MARCHF1: variants seen among roughly 807,000 people sequenced by gnomAD.
MARCHF1 encodes E3 ubiquitin-protein ligase MARCHF1.
Under a neutral mutation model 54.2 loss-of-function variants are expected in MARCHF1, and 40 were observed. That is an observed-to-expected ratio of 0.74 (90% CI 0.57 to 0.96). The LOEUF (loss-of-function observed/expected upper bound fraction) is 0.96, where lower values mean the gene tolerates loss of function less well. Among genes scored for constraint, MARCHF1 ranks in the 40% least tolerant of loss-of-function variants. MARCHF1 has a pLI of 0.00. For missense variants in MARCHF1, 586 were observed against 656.5 expected (o/e 0.89, Z 1.17); for synonymous variants, 236 against 236.3 (o/e 1.00, Z 0.01).
chr4:164,079,517 A>T (rs1755051480), intron 2 of MARCHF1, among the ~76,000 whole-genome samples: 1 of 152,118 alleles, frequency 6.6e-6, no homozygotes, highest in Non-Finnish European at 1.5e-5. Context: ...ATCTCTTCTT[A>T]TTTAATAGAG....
intron 5 of MARCHF1, among the ~76,000 whole-genome samples, chr4:163,635,950 C>T (rs900427328): frequency 3.9e-5 from 6 of 152,098 alleles, no homozygotes; most frequent in African/African-American, 1.4e-4. Context: ...ATATGCAAAT[C>T]GATAAATGTA....
At chr4:164,301,209 C>T (rs552450841) in intron 1 of MARCHF1, among the ~76,000 whole-genome samples, 10 of 152,102 alleles carry the variant, frequency 6.6e-5, no homozygotes, top group African/African-American at 2.2e-4. Context: ...GAAGAAAATG[C>T]ATTAGAGATT....
At chr4:163,982,922 G>A (rs574153778) in intron 3 of MARCHF1, among the ~76,000 whole-genome samples, 3 of 152,312 alleles carry the variant, frequency 2.0e-5, no homozygotes, top group South Asian at 2.1e-4. Flanking sequence ...ATGGAATCAA[G>A]TATCCATTCC....
At chr4:163,929,881 AAG>A (rs1165080498) in intron 3 of MARCHF1, among the ~76,000 whole-genome samples, 3 of 143,310 alleles carry the variant, frequency 2.1e-5, no homozygotes, top group African/African-American at 7.7e-5. Flanking sequence ...TTGTGAAAGA[AAG>A]AGGGCACTAT....
At chr4:163,733,258 TACACAC>T (rs56295544) in intron 4 of MARCHF1, among the ~76,000 whole-genome samples, 4 of 45,062 alleles carry the variant, frequency 8.9e-5, no homozygotes, top group Non-Finnish European at 1.6e-4. Context: ...TATATATATA[TACACAC>T]ACACACACAC....
intron 2 of MARCHF1, among the ~76,000 whole-genome samples, chr4:164,106,823 ACT>A (rs1755715358): frequency 6.6e-6 from 1 of 151,928 alleles, no homozygotes; most frequent in Non-Finnish European, 1.5e-5. Flanking sequence ...ACTCCTTAAG[ACT>A]CTTCAGACTT....
intron 3 of MARCHF1, among the ~76,000 whole-genome samples, chr4:163,965,627 T>C (rs1340709183): frequency 6.6e-6 from 1 of 152,036 alleles, no homozygotes; most frequent in East Asian, 1.9e-4. Context: ...TACATGACAT[T>C]TTAATCAAAA....
At chr4:163,833,046 A>G (rs1749076361) in intron 4 of MARCHF1, among the ~76,000 whole-genome samples, 1 of 152,078 alleles carries the variant, frequency 6.6e-6, no homozygotes, top group Admixed American at 6.6e-5. Context: ...TGCTGCAATA[A>G]ACATACGTGT....
At chr4:163,866,889 A>G (rs1056547252) in intron 3 of MARCHF1, among the ~76,000 whole-genome samples, 8 of 151,904 alleles carry the variant, frequency 5.3e-5, no homozygotes, top group African/African-American at 1.9e-4. Flanking sequence ...ACTACTACAG[A>G]CCTTGAGGAC....
chr4:164,059,562 G>A (rs1754569900), intron 2 of MARCHF1, among the ~76,000 whole-genome samples: 1 of 152,106 alleles, frequency 6.6e-6, no homozygotes, highest in Non-Finnish European at 1.5e-5. Context: ...CTATATAGGA[G>A]GCATCGCAGC....
chr4:164,117,645 A>G (rs1755965556), intron 1 of MARCHF1, among the ~76,000 whole-genome samples: 1 of 152,080 alleles, frequency 6.6e-6, no homozygotes, highest in African/African-American at 2.4e-5. Context: ...CACATCTGTA[A>G]TCCCAGCACT....
At chr4:163,696,749 A>G (rs1370248838) in intron 5 of MARCHF1, among the ~76,000 whole-genome samples, 5 of 152,136 alleles carry the variant, frequency 3.3e-5, no homozygotes, top group Non-Finnish European at 7.4e-5. Context: ...ACAGTTGATC[A>G]ATTCACACCC....
At chr4:164,008,233 G>A (rs941506864) in intron 2 of MARCHF1, among the ~76,000 whole-genome samples, 1 of 152,048 alleles carries the variant, frequency 6.6e-6, no homozygotes, top group Non-Finnish European at 1.5e-5. Context: ...AAAAAGAGGA[G>A]AATAAGTTCA....
intron 5 of MARCHF1, among the ~76,000 whole-genome samples, chr4:163,626,849 C>A (rs1004918804): frequency 1.3e-5 from 2 of 152,040 alleles, no homozygotes; most frequent in Non-Finnish European, 2.9e-5. Flanking sequence ...ATTGCTTGAA[C>A]CTGGGAGGTG....
intron 9 of MARCHF1, among the ~76,000 whole-genome samples, chr4:163,534,097 T>A (rs1439809202): frequency 6.6e-6 from 1 of 152,166 alleles, no homozygotes; most frequent in East Asian, 1.9e-4. Flanking sequence ...GCACATGCTA[T>A]TCCTCTGTTT....
rs1383146244 is a variant in MARCHF1, at chr4:163,612,741, T to G, written c.540A>C (p.Lys180Asn). ...TCCTCCTTCTTCTTGACAGTCTGAA[T>G]TTAACCTGGGCTCTTCTTTTTGCCT... The part of the protein sequence containing the change: ...WIQAKRRAQV[K>N]FRLSRRRRRN... The change falls in exon 7 of 10, where the codon AAA (lysine) becomes AAC (asparagine). Residue 180 changes from lysine (K) to asparagine (N), a missense_variant. This residue lies in a region of MARCHF1 where 387 missense variants were observed against 394.6 expected (regional missense o/e 0.98). Coordinates refer to ENST00000514618, the MANE Select transcript of MARCHF1 (RefSeq NM_001394959.1). The G allele has an allele frequency of 2.6e-6, 4 of 1,535,566 alleles. No individual in the cohort carries two copies. Among genetic ancestry groups the G allele is most frequent in the Non-Finnish European group, 3.5e-6 (4 of 1,146,538 alleles).
At chr4:163,775,890 A>G (rs1747291797) in intron 4 of MARCHF1, among the ~76,000 whole-genome samples, 2 of 152,170 alleles carry the variant, frequency 1.3e-5, no homozygotes, top group Non-Finnish European at 2.9e-5. Context: ...CTGAAGTGTT[A>G]TGAGCATCTA....
chr4:164,027,227 C>CTGTGA (rs1560868317), intron 2 of MARCHF1, among the ~76,000 whole-genome samples: 2 of 151,166 alleles, frequency 1.3e-5, no homozygotes, highest in African/African-American at 4.9e-5. Flanking sequence ...CAGCATTATA[C>CTGTGA]AAAAGTATTT....
At chr4:163,585,293 A>G (rs1407024468) in intron 8 of MARCHF1, 1 of 152,342 alleles carries the variant, frequency 6.6e-6, no homozygotes, top group Non-Finnish European at 1.5e-5. Context: ...CACTTTATAG[A>G]AGAAATCATT....
Sources: allele counts gnomAD v4.1 joint callset (sites outside exome capture counted in the v4.1 genomes callset), GRCh38; gene constraint gnomAD v4.1.1; regional missense constraint gnomAD v4.1.1; transcripts MANE v1.5; gene names NCBI Gene and HGNC (gene_info 2026-07-23, HGNC 2026-07-21).